KPNA7: variants seen among roughly 807,000 people sequenced by gnomAD.
KPNA7 encodes the protein importin subunit alpha-8.
A neutral mutation model predicts 53.7 loss-of-function variants in KPNA7; 54 were observed. The ratio of observed to expected loss-of-function variants is 1.01; its 90% CI spans 0.81 to 1.26. The LOEUF is 1.26. Ranked by LOEUF, KPNA7 falls within the 50% of genes most tolerant of loss-of-function variation. The pLI is 0.00. For synonymous variants in KPNA7, 276 were observed against 259.3 expected (o/e 1.06, Z -0.62); for missense variants, 640 against 644.5 (o/e 0.99, Z 0.07).
At chr7:99,209,137 G>A (rs1226898818), upstream of KPNA7, among the ~76,000 whole-genome samples, 2 of 152,110 alleles carry the variant, frequency 1.3e-5, no homozygotes, top group African/African-American at 2.4e-5. Flanking sequence ...GGGCAACAGA[G>A]TAAGATTCCG....
At chr7:99,181,115 G>C (rs1212886044) in intron 9 of KPNA7, among the ~76,000 whole-genome samples, 1 of 5,020 alleles carries the variant, frequency 2.0e-4, no homozygotes, top group Non-Finnish European at 6.5e-4. Flanking sequence ...CTCTCTCTCC[G>C]TCTGTGTCTC....
At chr7:99,198,573 A>C (rs1319091285) in intron 3 of KPNA7, among the ~76,000 whole-genome samples, 1 of 152,172 alleles carries the variant, frequency 6.6e-6, no homozygotes, top group African/African-American at 2.4e-5. Context: ...ATGAAATTCA[A>C]CATACTTCCA....
At chr7:99,147,901 CAGCT>C in the KPNA7 span, among the ~76,000 whole-genome samples, 3 of 151,822 alleles carry the variant, frequency 2.0e-5, no homozygotes, top group Non-Finnish European at 4.4e-5. Context: ...TCTGTAGTCC[CAGCT>C]ACTCAGGAGG....
the KPNA7 span, among the ~76,000 whole-genome samples, chr7:99,162,967 G>T: frequency 6.6e-6 from 1 of 152,236 alleles, no homozygotes; most frequent in South Asian, 2.1e-4. Flanking sequence ...GATCAACTGA[G>T]GTCGGGAGTT....
the KPNA7 span, among the ~76,000 whole-genome samples, chr7:99,151,758 C>T: frequency 6.6e-6 from 1 of 152,006 alleles, no homozygotes; most frequent in South Asian, 2.1e-4. Context: ...CACCTGGCCA[C>T]AAACATTAAG....
At chr7:99,199,523 G>A (rs1237326164) in intron 3 of KPNA7, among the ~76,000 whole-genome samples, 3 of 151,994 alleles carry the variant, frequency 2.0e-5, no homozygotes, top group East Asian at 3.9e-4. Flanking sequence ...AACTGTGCTG[G>A]TACAACTATG....
At chr7:99,196,638 G>A (rs1790244459) in intron 3 of KPNA7, among the ~76,000 whole-genome samples, 1 of 152,122 alleles carries the variant, frequency 6.6e-6, no homozygotes, top group Non-Finnish European at 1.5e-5. Flanking sequence ...AGAGCTTTGT[G>A]GCATTTTGAC....
the KPNA7 span, among the ~76,000 whole-genome samples, chr7:99,149,945 C>T: frequency 6.6e-5 from 10 of 152,162 alleles, no homozygotes; most frequent in East Asian, 1.9e-4. Flanking sequence ...ACTGCAGGCA[C>T]GTGCCACCAT....
chr7:99,180,808 C>T (rs865923228), intron 9 of KPNA7, among the ~76,000 whole-genome samples: 1 of 20,658 alleles, frequency 4.8e-5, no homozygotes, highest in African/African-American at 1.2e-4. Flanking sequence ...TCTCTCTCTC[C>T]CCGTCTGTGT....
At chr7:99,170,470 G>GAA (rs5886096), downstream of KPNA7, among the ~76,000 whole-genome samples, 102 of 151,046 alleles carry the variant, frequency 6.8e-4, no homozygotes, top group Middle Eastern at 3.4e-3. Context: ...GTTTCAGTGG[G>GAA]AAAAAAAAAT....
the KPNA7 span, among the ~76,000 whole-genome samples, chr7:99,151,322 A>AT: frequency 3.3e-5 from 5 of 151,856 alleles, no homozygotes; most frequent in East Asian, 7.7e-4. Flanking sequence ...TAAGATTTTG[A>AT]TTTTTTTCTT....
At chr7:99,206,349 A>G (rs1790815317) in intron 2 of KPNA7, among the ~76,000 whole-genome samples, 1 of 152,124 alleles carries the variant, frequency 6.6e-6, no homozygotes, top group African/African-American at 2.4e-5. Context: ...CTTAGTACAG[A>G]CAGGGTTTCA....
At chr7:99,194,374 C>T (rs1433196301) in intron 5 of KPNA7, among the ~76,000 whole-genome samples, 13 of 152,106 alleles carry the variant, frequency 8.5e-5, no homozygotes, top group East Asian at 1.9e-4. Context: ...GTTTTTGGCA[C>T]GTTCCCTTAG....
intron 2 of KPNA7, among the ~76,000 whole-genome samples, chr7:99,205,410 CAAAAA>C (rs61410237): frequency 1.2e-3 from 128 of 109,764 alleles, no homozygotes; most frequent in African/African-American, 4.8e-3. Context: ...GACTCCATCT[CAAAAA>C]AAAAAAAAAA....
chr7:99,199,402 G>C (rs539839751), intron 3 of KPNA7, among the ~76,000 whole-genome samples: 46 of 152,190 alleles, frequency 3.0e-4, no homozygotes, highest in African/African-American at 9.9e-4. Flanking sequence ...TAAACGTATA[G>C]ATCAATGGAA....
At position 99,188,437 on chromosome 7, in the gene KPNA7, T is replaced by C. The variant is rs1789745928; in HGVS notation, c.763A>G (p.Ser255Gly). 1 of 1,551,568 alleles carries C rather than the reference T, an allele frequency of 6.4e-7. No homozygotes were observed. The highest frequency in any genetic ancestry group is 8.7e-7 in the Non-Finnish European group (1 of 1,147,018). Residue 255 changes from serine (S) to glycine (G), a missense_variant, in exon 7 of 11, where the codon AGT (serine) becomes GGT (glycine). Coordinates refer to ENST00000327442, the MANE Select transcript of KPNA7 (RefSeq NM_001145715.3). Reference sequence around the variant, plus strand: ...CAGCAGGCATCCGAGAGAACCTCACTGTCCTGGTGCTGCAGGAGGTGAAGG... The same window carrying C: ...CAGCAGGCATCCGAGAGAACCTCACCGTCCTGGTGCTGCAGGAGGTGAAGG... ...ALLHLLQHQD[S>G]EVLSDACWAL...
the KPNA7 span, among the ~76,000 whole-genome samples, chr7:99,158,447 T>C: frequency 6.6e-6 from 1 of 152,136 alleles, no homozygotes; most frequent in African/African-American, 2.4e-5. Flanking sequence ...TTGCTCTACT[T>C]TATGGGAAAT....
chr7:99,171,665 G>A (rs10254104), downstream of KPNA7, among the ~76,000 whole-genome samples: 136,026 of 152,230 alleles, frequency 0.89, 61,577 homozygotes, highest in East Asian at 1. Context: ...AGAGGCTGAG[G>A]CGGGAGGATT....
At chr7:99,169,708 ACTC>A (rs552230142), downstream of KPNA7, among the ~76,000 whole-genome samples, 26 of 150,886 alleles carry the variant, frequency 1.7e-4, no homozygotes, top group East Asian at 3.9e-3. Context: ...TGGTTGAAGG[ACTC>A]CTCTTTAGGA....
Sources: allele counts gnomAD v4.1 joint callset (sites outside exome capture counted in the v4.1 genomes callset), GRCh38; gene constraint gnomAD v4.1.1; transcripts MANE v1.5; gene names NCBI Gene and HGNC (gene_info 2026-07-23, HGNC 2026-07-21).